Variants in XKR4 observed in about 807,000 individuals in gnomAD.
XKR4 encodes XK related 4.
Under a neutral mutation model 53.9 loss-of-function variants are expected in XKR4, and 12 were observed. The ratio of observed to expected loss-of-function variants is 0.22; its 90% CI spans 0.14 to 0.36. XKR4 has a LOEUF of 0.36. Among genes scored for constraint, XKR4 ranks in the 10% least tolerant of loss-of-function variants. XKR4 has a pLI of 1.00. For synonymous variants in XKR4, 354 were observed against 362.4 expected (o/e 0.98, Z 0.26); for missense variants, 799 against 859.5 (o/e 0.93, Z 0.88).
At chr8:55,336,707 G>GAGAA in intron 1 of XKR4, among the ~76,000 whole-genome samples, 2 of 152,180 alleles carry the variant, frequency 1.3e-5, no homozygotes, top group Middle Eastern at 6.8e-3. Flanking sequence ...TTGCCTGGGG[G>GAGAA]AGAAAGGGAA....
At chr8:55,191,945 T>C (rs1346718642) in intron 1 of XKR4, among the ~76,000 whole-genome samples, 2 of 151,698 alleles carry the variant, frequency 1.3e-5, no homozygotes, top group African/African-American at 4.8e-5. Flanking sequence ...TTCTTATCGT[T>C]TGTGATGACG....
At chr8:55,207,143 G>A (rs748562356) in intron 1 of XKR4, among the ~76,000 whole-genome samples, 2 of 152,180 alleles carry the variant, frequency 1.3e-5, no homozygotes, top group African/African-American at 2.4e-5. Context: ...CTGCTGTCCC[G>A]TTCTCGTCTC....
intron 2 of XKR4, among the ~76,000 whole-genome samples, chr8:55,447,901 A>G (rs1439636881): frequency 6.6e-6 from 1 of 152,206 alleles, no homozygotes; most frequent in Non-Finnish European, 1.5e-5. Flanking sequence ...ATTCGTTTTA[A>G]AGGAACGTAA....
intron 2 of XKR4, among the ~76,000 whole-genome samples, chr8:55,514,593 G>T (rs1158427215): frequency 6.6e-6 from 1 of 152,074 alleles, no homozygotes; most frequent in Non-Finnish European, 1.5e-5. Context: ...GGTAAGAAAG[G>T]GACACAGCTT....
intron 2 of XKR4, chr8:55,450,804 C>A: frequency 1.9e-6 from 1 of 520,186 alleles, no homozygotes; most frequent in East Asian, 4.4e-5. Context: ...CCAAGGATAC[C>A]ACATGGGTGG....
chr8:55,341,486 G>A lies in XKR4; in HGVS notation c.807-16192G>A, dbSNP rs909214885. Among the ~76,000 whole-genome samples the A allele has an allele frequency of 1.2e-4, 18 of 152,156 alleles. 1 individual carries two copies. Among genetic ancestry groups the A allele is most frequent in the Admixed American group, 6.5e-5 (1 of 15,274 alleles). On this transcript the variant is annotated intron_variant, in intron 1 of 2. Coordinates refer to ENST00000327381, the MANE Select transcript of XKR4 (RefSeq NM_052898.2). ...GGCAGAGACATGTCTCAGGGTACCTGTGCCAGGAAGGCGCCCTGGATTCTC... is the reference window on the plus strand; with the variant it reads ...GGCAGAGACATGTCTCAGGGTACCTATGCCAGGAAGGCGCCCTGGATTCTC...
intron 2 of XKR4, among the ~76,000 whole-genome samples, chr8:55,393,811 A>G (rs1028203277): frequency 3.3e-5 from 5 of 152,188 alleles, no homozygotes; most frequent in Non-Finnish European, 7.4e-5. Flanking sequence ...TTAAAGCACT[A>G]CCCATAAAAC....
At chr8:55,316,167 C>T (rs1285348199) in intron 1 of XKR4, among the ~76,000 whole-genome samples, 2 of 152,166 alleles carry the variant, frequency 1.3e-5, no homozygotes, top group Non-Finnish European at 2.9e-5. Context: ...ACAGCTCACG[C>T]TAATAATTTA....
At chr8:55,510,492 G>T (rs548875933) in intron 2 of XKR4, among the ~76,000 whole-genome samples, 10 of 152,060 alleles carry the variant, frequency 6.6e-5, no homozygotes, top group Non-Finnish European at 1.5e-4. Flanking sequence ...GAGGGAGAGG[G>T]GTTACCAGGA....
At chr8:55,149,329 A>C (rs992045328) in intron 1 of XKR4, among the ~76,000 whole-genome samples, 21 of 152,204 alleles carry the variant, frequency 1.4e-4, no homozygotes, top group Admixed American at 1.1e-3. Flanking sequence ...GCTAGGGAAC[A>C]TGAAAAAATA....
At chr8:55,300,678 A>T (rs1007870871) in intron 1 of XKR4, among the ~76,000 whole-genome samples, 5 of 152,124 alleles carry the variant, frequency 3.3e-5, no homozygotes, top group African/African-American at 1.2e-4. Context: ...CCCTAAAGGG[A>T]GAGAGTCTGC....
intron 2 of XKR4, among the ~76,000 whole-genome samples, chr8:55,478,950 G>C (rs1006398069): frequency 6.6e-6 from 1 of 152,020 alleles, no homozygotes. Flanking sequence ...CAATAATAAT[G>C]GGAGACTTTA....
intron 2 of XKR4, among the ~76,000 whole-genome samples, chr8:55,432,688 A>G (rs763598922): frequency 6.6e-6 from 1 of 152,184 alleles, no homozygotes; most frequent in Non-Finnish European, 1.5e-5. Context: ...TATGTTAGTC[A>G]TATTCCTATT....
chr8:55,462,334 A>G (rs1805672473), intron 2 of XKR4, among the ~76,000 whole-genome samples: 1 of 152,136 alleles, frequency 6.6e-6, no homozygotes, highest in Non-Finnish European at 1.5e-5. Flanking sequence ...ATTCTTAAAG[A>G]AAAGAATTTT....
chr8:55,274,469 G>T (rs1818738062), intron 1 of XKR4, among the ~76,000 whole-genome samples: 2 of 148,976 alleles, frequency 1.3e-5, no homozygotes, highest in African/African-American at 5.0e-5. Context: ...GTCTCGCTCT[G>T]TCACCCAGCC....
intron 2 of XKR4, among the ~76,000 whole-genome samples, chr8:55,468,512 A>T (rs2129399623): frequency 6.6e-6 from 1 of 152,276 alleles, no homozygotes; most frequent in African/African-American, 2.4e-5. Flanking sequence ...AATACATTGG[A>T]TAATCAAGAA....
chr8:55,297,521 C>T (rs1819118030), intron 1 of XKR4, among the ~76,000 whole-genome samples: 1 of 152,060 alleles, frequency 6.6e-6, no homozygotes, highest in South Asian at 2.1e-4. Context: ...CACAGGGTGG[C>T]ATATAATCTG....
chr8:55,421,115 T>G (rs1208876532), intron 2 of XKR4, among the ~76,000 whole-genome samples: 4 of 152,242 alleles, frequency 2.6e-5, no homozygotes, highest in Non-Finnish European at 5.9e-5. Flanking sequence ...CCTTGCTTTA[T>G]TTCTCTCTTC....
intron 2 of XKR4, among the ~76,000 whole-genome samples, chr8:55,412,009 A>G (rs1282679961): frequency 6.6e-6 from 1 of 152,236 alleles, no homozygotes; most frequent in East Asian, 1.9e-4. Flanking sequence ...ACATTATGCC[A>G]CTTTTTAACC....
Sources: allele counts gnomAD v4.1 joint callset (sites outside exome capture counted in the v4.1 genomes callset), GRCh38; gene constraint gnomAD v4.1.1; transcripts MANE v1.5; gene names NCBI Gene and HGNC (gene_info 2026-07-23, HGNC 2026-07-21).